The following SPIDR variants were observed in gnomAD, a reference collection of about 807,000 sequenced individuals.
SPIDR encodes DNA repair-scaffolding protein.
A neutral mutation model predicts 104.6 loss-of-function variants in SPIDR; 93 were observed. The ratio of observed to expected loss-of-function variants is 0.89; its 90% CI spans 0.75 to 1.06. The LOEUF (loss-of-function observed/expected upper bound fraction) is 1.06. SPIDR is among the 50% of genes least tolerant of loss of function. The pLI is 0.00. For synonymous variants in SPIDR, 431 were observed against 416.9 expected, an observed-to-expected ratio of 1.03 and a Z score of -0.41; for missense variants, 1,154 against 1,111.2, an observed-to-expected ratio of 1.04 and a Z score of -0.55.
chr8:47,511,254 G>C, intron 8 of SPIDR: 1 of 1,580,476 alleles, frequency 6.3e-7, no homozygotes, highest in Non-Finnish European at 8.7e-7. Context: ...GAATTTGGAT[G>C]TTTGTGGTAG....
intron 5 of SPIDR, among the ~76,000 whole-genome samples, chr8:47,324,401 G>A (rs2047313282): frequency 6.7e-6 from 1 of 149,790 alleles, no homozygotes; most frequent in Non-Finnish European, 1.5e-5. Context: ...TGTACAAATA[G>A]GTCAGATGTC....
chr8:47,504,372 CATTTCATTCATTTG>C (rs1485315294), intron 8 of SPIDR, among the ~76,000 whole-genome samples: 1 of 152,080 alleles, frequency 6.6e-6, no homozygotes, highest in East Asian at 1.9e-4. Context: ...CTTCTCACTT[CATTTCATTCATTTG>C]ATCTTCTATC....
Position 47,658,660 on chromosome 8 carries a change from C to G in SPIDR, c.1545-15141C>G, listed in dbSNP as rs1283332477. On this transcript the variant is annotated intron_variant, in intron 10 of 19. Coordinates refer to ENST00000297423, the MANE Select transcript of SPIDR (RefSeq NM_001080394.4). ...ATGGAAAAGGCCTTTCTCGGCCAGACTTGGTGGCTCACGCCTGTAATCCCA... is the reference window on the plus strand; with the variant it reads ...ATGGAAAAGGCCTTTCTCGGCCAGAGTTGGTGGCTCACGCCTGTAATCCCA... 4.0e-5 allele frequency among the ~76,000 whole-genome samples: 6 copies of G among 151,198 alleles called. No homozygotes were observed. In the East Asian group the frequency reaches 1.2e-3, roughly 30 times the overall value.
chr8:47,716,608 C>A (rs989514207), intron 16 of SPIDR, among the ~76,000 whole-genome samples: 25 of 152,088 alleles, frequency 1.6e-4, no homozygotes, highest in African/African-American at 5.6e-4. Flanking sequence ...GGCTTTGAAG[C>A]TCTGAGTCCA....
intron 1 of SPIDR, among the ~76,000 whole-genome samples, chr8:47,276,281 T>G (rs2036411000): frequency 2.6e-5 from 4 of 152,350 alleles, no homozygotes; most frequent in African/African-American, 9.6e-5. Flanking sequence ...CTGTACTTGT[T>G]AAATGCTATG....
chr8:47,659,869 C>A (rs1588931850), intron 10 of SPIDR, among the ~76,000 whole-genome samples: 1 of 152,086 alleles, frequency 6.6e-6, no homozygotes, highest in African/African-American at 2.4e-5. Flanking sequence ...TAGAATGAAA[C>A]AGCCGGGCCT....
chr8:47,568,029 G>T (rs796485845), intron 8 of SPIDR, among the ~76,000 whole-genome samples: 5 of 152,124 alleles, frequency 3.3e-5, no homozygotes, highest in African/African-American at 1.2e-4. Flanking sequence ...CTCCCCGCCA[G>T]CCTCCCAGAG....
intron 2 of SPIDR, among the ~76,000 whole-genome samples, chr8:47,280,234 T>A (rs999592688): frequency 2.4e-4 from 36 of 151,518 alleles, no homozygotes; most frequent in African/African-American, 5.1e-4. Context: ...ATTTTTTTTT[T>A]ATTTTATTTA....
intron 8 of SPIDR, among the ~76,000 whole-genome samples, chr8:47,457,430 C>A (rs532855364): frequency 2.9e-4 from 44 of 152,060 alleles, no homozygotes; most frequent in Non-Finnish European, 1.6e-4. Flanking sequence ...CTGTTCATAT[C>A]CTTAACCCCC....
chr8:47,353,873 G>A (rs2054020554), intron 5 of SPIDR, among the ~76,000 whole-genome samples: 1 of 151,350 alleles, frequency 6.6e-6, no homozygotes, highest in Non-Finnish European at 1.5e-5. Context: ...AGTGAGGAAT[G>A]TTCCTCTTGT....
chr8:47,402,392 C>CA (rs1450127419), intron 6 of SPIDR, among the ~76,000 whole-genome samples: 1 of 152,070 alleles, frequency 6.6e-6, no homozygotes, highest in African/African-American at 2.4e-5. Flanking sequence ...AAAAACCCTT[C>CA]AAAAAATCAG....
chr8:47,701,367 CGTT>C (rs1388545204), intron 12 of SPIDR, among the ~76,000 whole-genome samples: 2 of 152,040 alleles, frequency 1.3e-5, no homozygotes, highest in African/African-American at 4.8e-5. Flanking sequence ...ATGAGGCAGA[CGTT>C]GTAGTGAGCC....
intron 10 of SPIDR, among the ~76,000 whole-genome samples, chr8:47,641,398 T>C (rs574396001): frequency 6.6e-6 from 1 of 152,286 alleles, no homozygotes; most frequent in African/African-American, 2.4e-5. Flanking sequence ...TTTTGAATAT[T>C]TTTTATTTCT....
rs538047581 is a variant in SPIDR, at chr8:47,622,639, T to C, written c.1544+23443T>C. Among the ~76,000 whole-genome samples, 3 of 152,240 alleles carry C rather than the reference T, an allele frequency of 2.0e-5. No homozygotes were observed. In the South Asian group the frequency reaches 6.2e-4, roughly 32 times the overall value. On this transcript the variant is annotated intron_variant, in intron 10 of 19. Coordinates refer to ENST00000297423, the MANE Select transcript of SPIDR (RefSeq NM_001080394.4). ...GTGACTCGAGAGTTAGCATCTGTAC[T>C]ACAGATTAATGTCCCAGGCACAGCA...
chr8:47,299,672 T>C lies in SPIDR; in HGVS notation c.525+5642T>C, dbSNP rs1228548098. 6.4e-3 allele frequency among the ~76,000 whole-genome samples: 970 copies of C among 152,324 alleles called. 2 individuals are homozygous for C. Among genetic ancestry groups the C allele is most frequent in the Non-Finnish European group, 0.011 (748 of 68,024 alleles). On this transcript the variant is annotated intron_variant, in intron 5 of 19. Transcript: ENST00000297423. ...GTTTTTAGCATGAAGGGTTGTTGAA[T>C]TTTGTCAAAGGCCTTTTCTGCATCT... is the stretch of plus-strand genomic sequence containing the variant.
chr8:47,403,029 G>C (rs2062131144), intron 6 of SPIDR, among the ~76,000 whole-genome samples: 1 of 152,046 alleles, frequency 6.6e-6, no homozygotes, highest in African/African-American at 2.4e-5. Flanking sequence ...TTCATCCCTG[G>C]GATGCAAGGG....
At chr8:47,638,898 G>T (rs985250860) in intron 10 of SPIDR, among the ~76,000 whole-genome samples, 1 of 152,088 alleles carries the variant, frequency 6.6e-6, no homozygotes, top group Non-Finnish European at 1.5e-5. Flanking sequence ...CGGCATGAAC[G>T]GTTCCTATTC....
intron 8 of SPIDR, among the ~76,000 whole-genome samples, chr8:47,572,289 C>CT: frequency 6.6e-6 from 1 of 152,226 alleles, no homozygotes; most frequent in South Asian, 2.1e-4. Flanking sequence ...ATACATCTAT[C>CT]TTTAACTATC....
chr8:47,514,445 G>C (rs894639933), intron 8 of SPIDR, among the ~76,000 whole-genome samples: 1 of 152,158 alleles, frequency 6.6e-6, no homozygotes, highest in African/African-American at 2.4e-5. Flanking sequence ...ACCTGTTTGA[G>C]GGGAGGGAGG....
Sources: gnomAD v4.1 joint callset for allele counts (sites outside exome capture counted in the v4.1 genomes callset) on GRCh38, gnomAD v4.1.1 for gene constraint, MANE v1.5 for transcripts, NCBI Gene and HGNC (gene_info 2026-07-23, HGNC 2026-07-21) for gene names.